ZBBX: variants seen among roughly 807,000 people sequenced by gnomAD.
ZBBX encodes the protein zinc finger B-box domain containing.
A neutral mutation model predicts 108.5 loss-of-function variants in ZBBX; 101 were observed. That is an observed-to-expected ratio of 0.93 (90% CI 0.79 to 1.10). The LOEUF (loss-of-function observed/expected upper bound fraction) is 1.10, where lower values mean the gene tolerates loss of function less well. Among genes scored for constraint, ZBBX ranks in the 50% least tolerant of loss-of-function variants. The probability of loss-of-function intolerance (pLI) is 0.00; values close to 1 mark genes in which losing one functional copy is unlikely to be tolerated. For missense variants in ZBBX, 1,009 were observed against 941.4 expected, an observed-to-expected ratio of 1.07 and a Z score of -0.94; for synonymous variants, 356 against 323.4, an observed-to-expected ratio of 1.10 and a Z score of -1.08.
chr3:167,298,588 T>C lies in ZBBX; in HGVS notation c.1726-130A>G, dbSNP rs751366300. 1.1e-4 allele frequency: 65 copies of C among 573,592 alleles called. 1 individual carries two copies. The highest frequency in any genetic ancestry group is 1.5e-4 in the Non-Finnish European group (53 of 361,054). 35.5% of individuals were successfully genotyped at this position (573,592 alleles called of 1,614,324 possible). ...TTCTTCCCTCATCAAGTTTAGTTTC[T>C]AACAGTGGAGACAAATAATAAAACA... On this transcript the variant is annotated intron_variant, in intron 17 of 21. Coordinates refer to ENST00000675490, the MANE Select transcript of ZBBX (RefSeq NM_001199201.2).
chr3:167,282,383 T>C lies in ZBBX; in HGVS notation c.2109A>G (p.Gln703=), dbSNP rs1480248407. 5.0e-6 allele frequency: 8 copies of C among 1,614,040 alleles called. No individual in the cohort carries two copies. In the South Asian group the frequency reaches 6.6e-5, roughly 13 times the overall value. The change falls in exon 20 of 22, where the codon CAA becomes CAG. Residue 703 remains glutamine (Q), a synonymous_variant. Transcript: ENST00000675490. The part of the protein sequence containing the change: ...SHPRSRSAAA[Q]SSSRAASEIS... The stretch of plus-strand genomic sequence containing the variant: ...TTTCAGAAGCAGCTCTAGATGATGA[T>C]TGAGCAGCTGCACTTCTTGATCGAG...
At chr3:167,246,224 T>C (rs1721547995) in intron 20 of ZBBX, among the ~76,000 whole-genome samples, 1 of 152,248 alleles carries the variant, frequency 6.6e-6, no homozygotes, top group Admixed American at 6.5e-5. Context: ...AAATATGTTT[T>C]CACTTCTATG....
chr3:167,370,301 A>C lies in ZBBX; in HGVS notation c.69-1727T>G, dbSNP rs142769627. Among the ~76,000 whole-genome samples the C allele has an allele frequency of 4.1e-3, 631 of 152,274 alleles. 5 individuals carry two copies. The highest frequency in any genetic ancestry group is 0.014 in the African/African-American group (591 of 41,560). ...GTTGGAAACTGACCAGAAGTAGGTG[A>C]CTGATTAGAGAGGGAACAAGGAAGA... On this transcript the variant is annotated intron_variant, in intron 4 of 21. Transcript: ENST00000675490.
downstream of ZBBX, among the ~76,000 whole-genome samples, chr3:167,238,739 G>T (rs1720333581): frequency 6.6e-6 from 1 of 152,032 alleles, no homozygotes; most frequent in Non-Finnish European, 1.5e-5. Flanking sequence ...GTCACAAAGT[G>T]ATGACCACAA....
intron 4 of ZBBX, among the ~76,000 whole-genome samples, chr3:167,372,443 C>T (rs1349466233): frequency 2.0e-5 from 3 of 152,134 alleles, no homozygotes; most frequent in East Asian, 1.9e-4. Flanking sequence ...GTCAATTCAA[C>T]ATAACATCCT....
the ZBBX span, among the ~76,000 whole-genome samples, chr3:167,204,462 A>G: frequency 6.9e-6 from 1 of 143,996 alleles, no homozygotes; most frequent in East Asian, 2.0e-4. Flanking sequence ...TCATTGTTCA[A>G]TTCCCACCTA....
At chr3:167,190,662 G>C in the ZBBX span, among the ~76,000 whole-genome samples, 1 of 152,152 alleles carries the variant, frequency 6.6e-6, no homozygotes, top group Non-Finnish European at 1.5e-5. Context: ...TTACAGGCGT[G>C]AGCCACCGCG....
rs776813523 is a variant in ZBBX at position 167,305,788 on chromosome 3, T to G, written c.1580A>C (p.Glu527Ala). 119 of 1,612,834 alleles carry G rather than the reference T, an allele frequency of 7.4e-5. No homozygotes were observed. Among genetic ancestry groups the G allele is most frequent in the Admixed American group, 2.0e-4 (12 of 59,860 alleles). Residue 527 changes from glutamate to alanine, a missense_variant, in exon 17 of 22, where the codon GAA becomes GCA. Glu to Ala is a moderately radical substitution (Grantham distance 107). Transcript: ENST00000675490. ...TCTACCTAGCAAAGTGTCCTTGCTT[T>G]CAAGTGATACACAGGAATCATCAGA... ...QKSDDSCVSL[E>A]SKDTLLGRDL... is the part of the protein sequence containing the mutation.
At chr3:167,183,407 T>C in the ZBBX span, among the ~76,000 whole-genome samples, 1 of 152,242 alleles carries the variant, frequency 6.6e-6, no homozygotes, top group East Asian at 1.9e-4. Context: ...TCAAGCCCCA[T>C]GTATGGGCAC....
the ZBBX span, among the ~76,000 whole-genome samples, chr3:167,221,412 G>A: frequency 2.0e-5 from 3 of 151,782 alleles, no homozygotes. Context: ...GAACATACAT[G>A]GGGAAAAGGG....
At position 167,305,831 on chromosome 3, in the gene ZBBX, A is replaced by C; in HGVS notation, c.1537T>G (p.Leu513Val). 6.2e-7 allele frequency: 1 copy of C among 1,612,014 alleles called. No homozygotes were observed. The highest frequency in any genetic ancestry group is 1.7e-5 in the Admixed American group (1 of 59,762). Reference protein sequence around the residue: ...ERNLKEKNIGLESNQKSDDSC... With the variant: ...ERNLKEKNIGVESNQKSDDSC... ...TCATCAGACTTTTGATTACTTTCTA[A>C]ACCTATATTTTTCTCCTTTAAATTT... The change falls in exon 17 of 22, where the codon TTA becomes GTA. Residue 513 changes from leucine to valine, a missense_variant. By Grantham distance (32) the Leu-to-Val change is conservative. Coordinates refer to ENST00000675490, the MANE Select transcript of ZBBX (RefSeq NM_001199201.2).
intron 8 of ZBBX, among the ~76,000 whole-genome samples, chr3:167,358,184 AAAGT>A (rs1446521776): frequency 6.6e-6 from 1 of 151,870 alleles, no homozygotes; most frequent in Non-Finnish European, 1.5e-5. Context: ...AAAATAAAAT[AAAGT>A]AAAATAAAAA....
chr3:167,290,060 GA>G (rs1730411064), intron 18 of ZBBX, among the ~76,000 whole-genome samples: 1 of 152,184 alleles, frequency 6.6e-6, no homozygotes, highest in African/African-American at 2.4e-5. Context: ...AAAAAAGGCA[GA>G]AGCCCCAGCC....
intron 20 of ZBBX, among the ~76,000 whole-genome samples, chr3:167,264,892 A>G (rs1047177622): frequency 2.6e-5 from 4 of 152,138 alleles, no homozygotes. Context: ...GCCACCACCA[A>G]TGTTTGCCTA....
chr3:167,259,681 GTCAT>G (rs892979049), intron 20 of ZBBX, among the ~76,000 whole-genome samples: 6 of 151,976 alleles, frequency 3.9e-5, no homozygotes, highest in Non-Finnish European at 5.9e-5. Flanking sequence ...TGTCATTATT[GTCAT>G]TCAGTTTGAA....
At chr3:167,203,520 A>G in the ZBBX span, among the ~76,000 whole-genome samples, 1 of 152,150 alleles carries the variant, frequency 6.6e-6, no homozygotes, top group Non-Finnish European at 1.5e-5. Flanking sequence ...ATATACAGAA[A>G]AGTTAACAAA....
At chr3:167,265,701 C>T (rs1725338806) in intron 20 of ZBBX, among the ~76,000 whole-genome samples, 1 of 152,182 alleles carries the variant, frequency 6.6e-6, no homozygotes, top group African/African-American at 2.4e-5. Context: ...TTCAAGTTTA[C>T]CTATGACCCC....
chr3:167,389,339 T>C lies in ZBBX; in HGVS notation c.-445-8934A>G, dbSNP rs142427136. Among the ~76,000 whole-genome samples the C allele has an allele frequency of 3.8e-3, 585 of 152,274 alleles. 7 individuals are homozygous for C. The highest frequency in any genetic ancestry group is 0.013 in the African/African-American group (549 of 41,560). ...TTTTTTATGGCTGCATAGTACTCCATGGTGTATATGTGCCACATTTTGTTT... is the reference window on the plus strand; with the variant it reads ...TTTTTTATGGCTGCATAGTACTCCACGGTGTATATGTGCCACATTTTGTTT... On this transcript the variant is annotated intron_variant, in intron 1 of 21. Transcript: ENST00000455345.
At chr3:167,200,669 T>C in the ZBBX span, among the ~76,000 whole-genome samples, 1 of 152,176 alleles carries the variant, frequency 6.6e-6, no homozygotes, top group Non-Finnish European at 1.5e-5. Context: ...TGAGAATATG[T>C]GTGAATAATG....
Sources: allele counts gnomAD v4.1 joint callset (sites outside exome capture counted in the v4.1 genomes callset), GRCh38; gene constraint gnomAD v4.1.1; transcripts MANE v1.5; gene names NCBI Gene and HGNC (gene_info 2026-07-23, HGNC 2026-07-21).